The following MAML1 variants were observed in gnomAD, a reference collection of about 807,000 sequenced individuals.
The protein encoded by MAML1 is mastermind like transcriptional coactivator 1, also known as mastermind-like protein 1.
A neutral mutation model predicts 77.1 loss-of-function variants in MAML1; 14 were observed. The observed-to-expected ratio is 0.18, with a 90% CI of 0.12 to 0.28. MAML1 has a LOEUF of 0.28. Ranked by LOEUF, MAML1 falls within the 10% of genes least tolerant of loss-of-function variation. The pLI is 1.00. For synonymous variants in MAML1, 516 were observed against 551.9 expected (o/e 0.93, Z 0.91); for missense variants, 1,217 against 1,327.8 (o/e 0.92, Z 1.30).
chr5:179,762,420 T>C (rs893956418), intron 1 of MAML1, among the ~76,000 whole-genome samples: 29 of 151,626 alleles, frequency 1.9e-4, no homozygotes, highest in Admixed American at 1.5e-3. Context: ...CAGGCTAGGA[T>C]GGGACTTAGG....
Position 179,776,873 on chromosome 5 carries a change from G to A in MAML1, c.*1996G>A, listed in dbSNP as rs1756144895. On this transcript the variant is annotated 3_prime_UTR_variant, in exon 5 of 5. Coordinates refer to ENST00000292599, the MANE Select transcript of MAML1 (RefSeq NM_014757.5). ...GGCTTTATTTATGAACCTGGTTTTCGGGAGTCAGGGGAGGAGATGACTTTG... is the reference window on the plus strand; with the variant it reads ...GGCTTTATTTATGAACCTGGTTTTCAGGAGTCAGGGGAGGAGATGACTTTG... 4 of 985,918 alleles carry A rather than the reference G, an allele frequency of 4.1e-6. No individual in the cohort carries two copies. The highest frequency in any genetic ancestry group is 5.2e-4 in the Middle Eastern group (1 of 1,914). The allele number at this position is 985,918 out of a possible 1,614,324, so 61.1% of individuals were successfully genotyped here. A position where few individuals can be genotyped will look rare whatever the true frequency, so the allele number is the denominator to read the frequency against.
At position 179,774,525 on chromosome 5, in the gene MAML1, G is replaced by A; in HGVS notation, c.2699G>A (p.Gly900Glu). Residue 900 changes from glycine (G) to glutamate (E), a missense_variant, in exon 5 of 5, where the codon GGG becomes GAG. By Grantham distance (98) the Gly-to-Glu change is moderately conservative. Transcript: ENST00000292599. ...CCCATGAGCTCAGCAGCTGCCGTGG[G>A]GTCCTTGCTACCCCCAGTGAGTGCA... ...MAPMSSAAAV[G>E]SLLPPVSAQQ... is the part of the protein sequence containing the mutation. 2.5e-6 allele frequency: 4 copies of A among 1,613,144 alleles called. No homozygotes were observed. Among genetic ancestry groups the A allele is most frequent in the Non-Finnish European group, 3.4e-6 (4 of 1,180,008 alleles).
chr5:179,766,012 G>A lies in MAML1; in HGVS notation c.1002G>A (p.Val334=). Residue 334 remains valine (V), a synonymous_variant, in exon 2 of 5, where the codon GTG becomes GTA. Transcript: ENST00000292599. This position sits in a 1 kb window ranked among gnomAD's most constrained non-coding sequence, Gnocchi z 4.0. ...QTFLGPSSAP[V]STDSPSLGGS... ...TTCTGGGGCCTTCCTCTGCCCCTGT[G>A]AGTACAGATTCCCCCAGCCTAGGGG... is the stretch of plus-strand genomic sequence containing the variant. 6.2e-7 allele frequency: 1 copy of A among 1,603,512 alleles called. No homozygotes were observed. The highest frequency in any genetic ancestry group is 1.7e-5 in the Admixed American group (1 of 57,530).
In MAML1 at chr5:179,774,094, C is replaced by T. The variant is rs764755840; in HGVS notation, c.2268C>T (p.Leu756=). 1 of 1,613,884 alleles carries T rather than the reference C, an allele frequency of 6.2e-7. No individual in the cohort carries two copies. The highest frequency in any genetic ancestry group is 8.5e-7 in the Non-Finnish European group (1 of 1,180,048). ...PGSQNMPQSS[L]YGMASGITQI... ...CCCAAAACATGCCTCAGAGCAGCCT[C>T]TATGGCATGGCTTCTGGCATAACCC... The change falls in exon 5 of 5, where the codon CTC becomes CTT. Residue 756 remains leucine (L), a synonymous_variant. Transcript: ENST00000292599.
intron 3 of MAML1, among the ~76,000 whole-genome samples, chr5:179,770,025 G>A (rs1054211351): frequency 6.6e-6 from 1 of 152,194 alleles, no homozygotes; most frequent in African/African-American, 2.4e-5. Context: ...ATATCACAGA[G>A]TTGTGCAACC....
intron 1 of MAML1, among the ~76,000 whole-genome samples, chr5:179,754,452 A>G (rs954557927): frequency 3.9e-5 from 6 of 152,006 alleles, no homozygotes; most frequent in African/African-American, 1.5e-4. Flanking sequence ...AAATTAGCTG[A>G]GTATGGTGGC....
intron 1 of MAML1, among the ~76,000 whole-genome samples, chr5:179,738,503 T>C (rs546291957): frequency 2.7e-4 from 41 of 152,304 alleles, no homozygotes; most frequent in Admixed American, 4.6e-4. Context: ...GCCTGAGACC[T>C]TGTCTAGAAC....
At position 179,776,466 on chromosome 5, in the gene MAML1, G is replaced by A. The variant is rs573953612; in HGVS notation, c.*1589G>A. The A allele has an allele frequency of 9.1e-6, 9 of 985,780 alleles. No homozygotes were observed. Among genetic ancestry groups the A allele is most frequent in the Middle Eastern group, 5.2e-4 (1 of 1,914 alleles). The allele number at this position is 985,780 out of a possible 1,614,324, so 61.1% of individuals were successfully genotyped here. On this transcript the variant is annotated 3_prime_UTR_variant, in exon 5 of 5. Transcript: ENST00000292599. ...AGATCTTCTTTTCTAATAGCCATTT[G>A]CCACCCCAAGTGGTATGTCGGCCAT...
In MAML1 at chr5:179,732,985, G is replaced by C; in HGVS notation, c.-128G>C. The C allele has an allele frequency of 2.0e-6, 1 of 502,784 alleles. No individual in the cohort carries two copies. Among genetic ancestry groups the C allele is most frequent in the Non-Finnish European group, 2.9e-6 (1 of 343,362 alleles). The allele number at this position is 502,784 out of a possible 1,614,324, so 31.1% of individuals were successfully genotyped here. A position where few individuals can be genotyped will look rare whatever the true frequency, so the allele number is the denominator to read the frequency against. ...AAAACCCGCCGCCGCGCGCGAGCCC[G>C]CTCCGCTGCCCTCGGGGGCATGGCG... On this transcript the variant is annotated 5_prime_UTR_variant, in exon 1 of 5. Transcript: ENST00000292599.
chr5:179,763,853 A>G (rs552750929), intron 1 of MAML1, among the ~76,000 whole-genome samples: 1 of 134,810 alleles, frequency 7.4e-6, no homozygotes, highest in East Asian at 2.3e-4. Flanking sequence ...TACTTGGAAC[A>G]TTTTCTAATA....
intron 1 of MAML1, among the ~76,000 whole-genome samples, chr5:179,745,905 G>A (rs1336711333): frequency 1.4e-5 from 2 of 146,196 alleles, no homozygotes; most frequent in African/African-American, 2.5e-5. Context: ...GTGGTGGCAT[G>A]TGCCTGTAAT....
In MAML1 at chr5:179,776,445, C is replaced by T; in HGVS notation, c.*1568C>T. ...ACTGGGGGTACTTGGACCCTCAGAT[C>T]TTCTTTTCTAATAGCCATTTGCCAC... On this transcript the variant is annotated 3_prime_UTR_variant, in exon 5 of 5. Coordinates refer to ENST00000292599, the MANE Select transcript of MAML1 (RefSeq NM_014757.5). The T allele has an allele frequency of 3.0e-6, 3 of 985,872 alleles. No individual in the cohort carries two copies. Among genetic ancestry groups the T allele is most frequent in the Non-Finnish European group, 3.6e-6 (3 of 829,946 alleles). The allele number at this position is 985,872 out of a possible 1,614,324, so 61.1% of individuals were successfully genotyped here.
At chr5:179,737,529 T>G (rs1779191437) in intron 1 of MAML1, among the ~76,000 whole-genome samples, 1 of 152,222 alleles carries the variant, frequency 6.6e-6, no homozygotes, top group Non-Finnish European at 1.5e-5. Context: ...TATTTCTTAC[T>G]TAAGGAATAT....
At chr5:179,751,010 T>C (rs1779478253) in intron 1 of MAML1, among the ~76,000 whole-genome samples, 1 of 152,044 alleles carries the variant, frequency 6.6e-6, no homozygotes, top group South Asian at 2.1e-4. Context: ...AATCTCGCTC[T>C]GTCACCAGGC....
At position 179,775,841 on chromosome 5, in the gene MAML1, T is replaced by C; in HGVS notation, c.*964T>C. On this transcript the variant is annotated 3_prime_UTR_variant, in exon 5 of 5. Coordinates refer to ENST00000292599, the MANE Select transcript of MAML1 (RefSeq NM_014757.5). ...CTCTCCTTCCTCTCTGCAGCCCAAA[T>C]GGAAAACAATTATTTACTCCATTGG... 1.0e-6 allele frequency: 1 copy of C among 985,514 alleles called. No homozygotes were observed. Among genetic ancestry groups the C allele is most frequent in the Non-Finnish European group, 1.2e-6 (1 of 829,946 alleles). 61.0% of individuals were successfully genotyped at this position (985,514 alleles called of 1,614,324 possible).
intron 1 of MAML1, among the ~76,000 whole-genome samples, chr5:179,755,848 T>C (rs1581936100): frequency 6.6e-6 from 1 of 151,270 alleles, no homozygotes; most frequent in Non-Finnish European, 1.5e-5. Flanking sequence ...CACTGCAACC[T>C]CTACCTCCCA....
intron 4 of MAML1, among the ~76,000 whole-genome samples, chr5:179,772,617 C>T (rs1756027363): frequency 6.6e-6 from 1 of 152,200 alleles, no homozygotes; most frequent in African/African-American, 2.4e-5. Context: ...TCTGCTGTCT[C>T]TCCAGCACAG....
chr5:179,745,359 CTTGTTT>C lies in MAML1; in HGVS notation c.315+11943_315+11948del, dbSNP rs773806373. ...CAAAGTAAGAGTTCTCAGTTCAGTT[CTTGTTT>C]TTGTTTTTGTAAATTTAAGTCCCAG... On this transcript the variant is annotated intron_variant, in intron 1 of 4. Coordinates refer to ENST00000292599, the MANE Select transcript of MAML1 (RefSeq NM_014757.5). Among the ~76,000 whole-genome samples the C allele has an allele frequency of 8.4e-4, 128 of 152,130 alleles. 1 individual carries two copies. Among genetic ancestry groups the C allele is most frequent in the Non-Finnish European group, 1.3e-3 (88 of 68,002 alleles).
At chr5:179,759,756 G>A (rs66686562) in intron 1 of MAML1, among the ~76,000 whole-genome samples, 5,221 of 152,342 alleles carry the variant, frequency 0.034, 131 homozygotes, top group African/African-American at 0.042. Context: ...CTACCCTCAC[G>A]TGGAGTCCCA....
Sources: gnomAD v4.1 joint callset for allele counts (sites outside exome capture counted in the v4.1 genomes callset) on GRCh38, gnomAD v4.1.1 for gene constraint, Gnocchi (gnomAD v3.1) non-coding constraint, MANE v1.5 for transcripts, NCBI Gene and HGNC (gene_info 2026-07-23, HGNC 2026-07-21) for gene names.